The following NOVA1 variants were observed in gnomAD, a reference collection of about 807,000 sequenced individuals.
The protein encoded by NOVA1 is NOVA alternative splicing regulator 1.
NOVA1 carries 7 observed loss-of-function variants against 38.0 expected under a neutral mutation model. The observed-to-expected ratio is 0.18, with a 90% CI of 0.10 to 0.35. NOVA1 has a LOEUF of 0.35. NOVA1 is among the 10% of genes least tolerant of loss of function. The probability of loss-of-function intolerance (pLI) is 1.00; values close to 1 mark genes in which losing one functional copy is unlikely to be tolerated. For missense variants in NOVA1, 460 were observed against 616.0 expected, an observed-to-expected ratio of 0.75 and a Z score of 2.68; for synonymous variants, 270 against 232.5, an observed-to-expected ratio of 1.16 and a Z score of -1.47.
chr14:26,580,234 A>G (rs966068295), intron 2 of NOVA1, among the ~76,000 whole-genome samples: 11 of 152,140 alleles, frequency 7.2e-5, no homozygotes, highest in African/African-American at 2.7e-4. Flanking sequence ...ATGAAAGACA[A>G]TATTAAATAT....
intron 2 of NOVA1, among the ~76,000 whole-genome samples, chr14:26,534,553 T>G (rs1426629299): frequency 2.0e-5 from 3 of 152,102 alleles, no homozygotes; most frequent in East Asian, 1.9e-4. Context: ...GAAAATGAAC[T>G]GAAAGCAACA....
At chr14:26,586,866 T>C (rs1893545907) in intron 2 of NOVA1, among the ~76,000 whole-genome samples, 1 of 149,464 alleles carries the variant, frequency 6.7e-6, no homozygotes, top group South Asian at 2.1e-4. Context: ...TGAACTAAAA[T>C]AATAATAATA....
chr14:26,523,894 G>A (rs1889095454), intron 2 of NOVA1, among the ~76,000 whole-genome samples: 1 of 151,974 alleles, frequency 6.6e-6, no homozygotes, highest in South Asian at 2.1e-4. Context: ...GGGACTACAG[G>A]CGCCCGACAC....
At chr14:26,464,444 A>C (rs1883953335) in intron 4 of NOVA1, among the ~76,000 whole-genome samples, 2 of 152,242 alleles carry the variant, frequency 1.3e-5, no homozygotes, top group African/African-American at 4.8e-5. Flanking sequence ...AATACACTCT[A>C]TGATGTTCAC....
chr14:26,546,222 T>C (rs926120439), intron 2 of NOVA1, among the ~76,000 whole-genome samples: 25 of 152,212 alleles, frequency 1.6e-4, no homozygotes, highest in Admixed American at 1.6e-3. Flanking sequence ...TATAAAATAC[T>C]AAAGCTTGAT....
In NOVA1 at chr14:26,596,103, T is replaced by C. The variant is rs527711461; in HGVS notation, c.137-550A>G. 2.4e-3 allele frequency: 570 copies of C among 238,518 alleles called. 7 individuals carry two copies. The highest frequency in any genetic ancestry group is 0.012 in the African/African-American group (511 of 42,920). The allele number at this position is 238,518 out of a possible 1,614,324, so 14.8% of individuals were successfully genotyped here. The stretch of plus-strand genomic sequence containing the variant: ...CCTACCAAATAATCCACCCAAACTG[T>C]GGGGTGTATTCCAAGTCTTCAATAA... On this transcript the variant is annotated intron_variant, in intron 1 of 4. Coordinates refer to ENST00000539517, the MANE Select transcript of NOVA1 (RefSeq NM_002515.3).
At chr14:26,594,927 TCTTTA>T (rs1894089899) in intron 2 of NOVA1, among the ~76,000 whole-genome samples, 1 of 152,144 alleles carries the variant, frequency 6.6e-6, no homozygotes, top group Admixed American at 6.5e-5. Flanking sequence ...ACACTTGTCC[TCTTTA>T]CTTCACTCCA....
At chr14:26,532,628 G>A (rs1362712523) in intron 2 of NOVA1, among the ~76,000 whole-genome samples, 1 of 152,158 alleles carries the variant, frequency 6.6e-6, no homozygotes, top group African/African-American at 2.4e-5. Context: ...GCTTGACTAT[G>A]GTGGCAGTTG....
chr14:26,571,597 G>A (rs746397363), intron 2 of NOVA1, among the ~76,000 whole-genome samples: 8 of 152,136 alleles, frequency 5.3e-5, no homozygotes, highest in Non-Finnish European at 5.9e-5. Context: ...GTCTACCCAC[G>A]TGGCTAGAAC....
At chr14:26,498,985 CA>C (rs1019805329) in intron 2 of NOVA1, among the ~76,000 whole-genome samples, 1 of 151,658 alleles carries the variant, frequency 6.6e-6, no homozygotes, top group Non-Finnish European at 1.5e-5. Context: ...TAGAATCTAC[CA>C]AAAAAAGAAA....
intron 4 of NOVA1, among the ~76,000 whole-genome samples, chr14:26,469,215 G>A (rs1051164331): frequency 1.3e-5 from 2 of 152,030 alleles, no homozygotes; most frequent in Admixed American, 6.6e-5. Flanking sequence ...TTCTTATAAC[G>A]TTTCTTCTTC....
At chr14:26,551,667 GTCATT>G (rs1324586504) in intron 2 of NOVA1, among the ~76,000 whole-genome samples, 2 of 152,030 alleles carry the variant, frequency 1.3e-5, no homozygotes, top group African/African-American at 4.8e-5. Flanking sequence ...TATAAATAAT[GTCATT>G]TCATTTATCA....
intron 2 of NOVA1, among the ~76,000 whole-genome samples, chr14:26,595,073 G>A (rs1043167431): frequency 6.6e-6 from 1 of 152,064 alleles, no homozygotes; most frequent in African/African-American, 2.4e-5. Context: ...TTACAATGAT[G>A]TCTGAAAACT....
chr14:26,596,504 C>T, intron 1 of NOVA1: 1 of 1,259,632 alleles, frequency 7.9e-7, no homozygotes, highest in Non-Finnish European at 1.0e-6. Context: ...ATGAATGTTC[C>T]AAATGTTGTG....
chr14:26,527,120 T>G (rs1292556236), intron 2 of NOVA1, among the ~76,000 whole-genome samples: 2 of 152,196 alleles, frequency 1.3e-5, no homozygotes, highest in African/African-American at 4.8e-5. Context: ...AAAAGAGAAC[T>G]CTGCTCACTA....
chr14:26,495,539 A>C (rs1441629519), intron 2 of NOVA1, among the ~76,000 whole-genome samples: 2 of 152,206 alleles, frequency 1.3e-5, no homozygotes, highest in East Asian at 1.9e-4. Flanking sequence ...GTAGATGTGC[A>C]CAATGTGCAG....
At chr14:26,585,316 C>A (rs1468495743) in intron 2 of NOVA1, among the ~76,000 whole-genome samples, 1 of 151,206 alleles carries the variant, frequency 6.6e-6, no homozygotes, top group Non-Finnish European at 1.5e-5. Flanking sequence ...GTTAGTCAAA[C>A]TATAAGCAAA....
intron 2 of NOVA1, among the ~76,000 whole-genome samples, chr14:26,556,383 G>A (rs928092598): frequency 7.9e-5 from 12 of 152,030 alleles, no homozygotes; most frequent in Non-Finnish European, 1.3e-4. Context: ...AAAGAGAGGA[G>A]GTAATTCAAT....
intron 4 of NOVA1, among the ~76,000 whole-genome samples, chr14:26,469,743 C>A (rs1884435961): frequency 6.6e-6 from 1 of 152,124 alleles, no homozygotes; most frequent in African/African-American, 2.4e-5. Context: ...CAAGTGCCAC[C>A]ATGCCCAGTT....
Sources: allele counts gnomAD v4.1 joint callset (sites outside exome capture counted in the v4.1 genomes callset), GRCh38; gene constraint gnomAD v4.1.1; transcripts MANE v1.5; gene names NCBI Gene and HGNC (gene_info 2026-07-23, HGNC 2026-07-21).